The following TTN variants were observed in gnomAD, a reference collection of about 807,000 sequenced individuals.
The protein encoded by TTN is connectin.
A neutral mutation model predicts 3,223.0 loss-of-function variants in TTN; 1,525 were observed. The ratio of observed to expected loss-of-function variants is 0.47; its 90% confidence interval spans 0.45 to 0.49. TTN has a LOEUF of 0.49. Ranked by LOEUF, TTN falls within the 20% of genes least tolerant of loss-of-function variation. TTN has a pLI of 0.00. For missense variants in TTN, 40,786 were observed against 43,424.0 expected (o/e 0.94, Z 5.40); for synonymous variants, 14,094 against 15,161.0 (o/e 0.93, Z 5.17).
intron 214 of TTN, 107 bp from the exon 215 acceptor site, chr2:178,647,251 T>G (rs1045831095): frequency 2.5e-6 from 3 of 1,221,156 alleles, no homozygotes; most frequent in Non-Finnish European, 3.4e-6. Context: ...CTATAACAGA[T>G]TATTCAGATG....
chr2:178,553,601 G>T lies in TTN; in HGVS notation c.89404C>A (p.Pro29802Thr). 1 of 1,613,886 alleles carries T rather than the reference G, an allele frequency of 6.2e-7. No individual in the cohort carries two copies. Among genetic ancestry groups the T allele is most frequent in the Non-Finnish European group, 8.5e-7 (1 of 1,179,806 alleles). Reference sequence around the variant, plus strand: ...ACCCGGAAGTAGTAATTGACTCCAGGTTTCAGGTTGGATACCACATATTCT... The same window carrying T: ...ACCCGGAAGTAGTAATTGACTCCAGTTTTCAGGTTGGATACCACATATTCT... The part of the protein sequence containing the change: ...TTEYVVSNLK[P>T]GVNYYFRVSA... Residue 29802 changes from proline to threonine, a missense_variant, in exon 334 of 363, where the codon CCT becomes ACT. Transcript: ENST00000589042.
intron 159 of TTN, 135 bp downstream of exon 159, chr2:178,669,238 T>G (rs1371519283): frequency 6.0e-6 from 4 of 668,626 alleles, no homozygotes; most frequent in East Asian, 5.7e-5. Context: ...TAAGATTATT[T>G]GAGTCATATA....
intron 326 of TTN, 178 bp from the exon 327 acceptor site, chr2:178,558,815 A>T: frequency 1.6e-6 from 1 of 630,858 alleles, no homozygotes; most frequent in Non-Finnish European, 2.6e-6. Context: ...CCCACAAGCT[A>T]TGTCATTACA....
In TTN at chr2:178,537,556, A is replaced by G. The variant is rs1299414119; in HGVS notation, c.99651T>C (p.His33217=). 6.2e-7 allele frequency: 1 copy of G among 1,613,706 alleles called. No homozygotes were observed. Among genetic ancestry groups the G allele is most frequent in the Non-Finnish European group, 8.5e-7 (1 of 1,179,796 alleles). Residue 33217 remains histidine (H), a synonymous_variant, in exon 355 of 363, where the codon CAT becomes CAC. Coordinates refer to ENST00000589042, the MANE Select transcript of TTN (RefSeq NM_001267550.2). ...GTACTGGACGACCAATGTACATAACATGAAGCCGAAGTGTGGAACCCACAG... is the reference window on the plus strand; with the variant it reads ...GTACTGGACGACCAATGTACATAACGTGAAGCCGAAGTGTGGAACCCACAG... The part of the protein sequence containing the change: ...YGAVGSTLRL[H]VMYIGRPVPA...
Position 178,756,607 on chromosome 2 carries a change from T to C in TTN, c.10869A>G (p.Thr3623=), listed in dbSNP as rs778116553. The part of the protein sequence containing the change: ...FESVSQSSIH[T]AASVQDTQLC... The stretch of plus-strand genomic sequence containing the variant: ...ACTGTGTATCTTGAACAGATGCAGC[T>C]GTGTGGATGGAACTTTGAGATACAC... Residue 3623 remains threonine, a synonymous_variant, in exon 46 of 363, where the codon ACA becomes ACG. Transcript: ENST00000589042. The C allele has an allele frequency of 8.1e-6, 13 of 1,613,444 alleles. No homozygotes were observed. Among genetic ancestry groups the C allele is most frequent in the Middle Eastern group, 1.6e-4 (1 of 6,078 alleles).
chr2:178,600,013 G>A (rs1194584369), intron 288 of TTN, among the ~76,000 whole-genome samples, 163 bp from the exon 289 acceptor site: 1 of 151,974 alleles, frequency 6.6e-6, no homozygotes, highest in East Asian at 1.9e-4. Context: ...ACGCTAGTTT[G>A]GGGAGCAGGT....
Position 178,636,506 on chromosome 2 carries a change from T to C in TTN, c.41221A>G (p.Arg13741Gly). 6.2e-7 allele frequency: 1 copy of C among 1,613,508 alleles called. No individual in the cohort carries two copies. The highest frequency in any genetic ancestry group is 8.5e-7 in the Non-Finnish European group (1 of 1,179,586). ...TGAACATCAATGATGTGCAGCTTTCTGTCTTTACCATCTGCAATAAACCTG... is the reference window on the plus strand; with the variant it reads ...TGAACATCAATGATGTGCAGCTTTCCGTCTTTACCATCTGCAATAAACCTG... The part of the protein sequence containing the change: ...KHRFIADGKD[R>G]KLHIIDVQLS... Residue 13741 changes from arginine to glycine, a missense_variant, in exon 225 of 363, where the codon AGA (arginine) becomes GGA (glycine). Coordinates refer to ENST00000589042, the MANE Select transcript of TTN (RefSeq NM_001267550.2). This position sits in a 1 kb window ranked among gnomAD's most constrained non-coding sequence, Gnocchi z 4.3.
chr2:178,739,968 A>C lies in TTN; in HGVS notation c.13265T>G (p.Ile4422Ser), dbSNP rs727503656. 84 of 1,613,688 alleles carry C rather than the reference A, an allele frequency of 5.2e-5. 2 individuals are homozygous for C. The South Asian group carries it at 8.5e-4, about 16-fold the overall frequency. The change falls in exon 48 of 363, where the codon ATT becomes AGT. Residue 4422 changes from isoleucine to serine, a missense_variant. Physicochemically the swap from Ile to Ser is moderately radical, Grantham distance 142 (BLOSUM62 -2). Coordinates refer to ENST00000589042, the MANE Select transcript of TTN (RefSeq NM_001267550.2). ...PGLFSEWLRN[I>S]EKVEVEAVNI... The stretch of plus-strand genomic sequence containing the variant: ...TACAGCCTCGACCTCCACCTTTTCA[A>C]TATTTCTTAGCCACTCAGAGAAAAG...
chr2:178,804,107 T>C (rs2094197905), intron 2 of TTN, among the ~76,000 whole-genome samples: 1 of 152,226 alleles, frequency 6.6e-6, no homozygotes, highest in African/African-American at 2.4e-5. Flanking sequence ...GAAAATTAGA[T>C]GCACTGTTAT....
Position 178,527,574 on chromosome 2 carries a change from A to T in TTN, c.107552T>A (p.Met35851Lys). Residue 35851 changes from methionine (M) to lysine (K), a missense_variant, in exon 362 of 363, where the codon ATG becomes AAG. By Grantham distance (95) the Met-to-Lys change is moderately conservative. Coordinates refer to ENST00000589042, the MANE Select transcript of TTN (RefSeq NM_001267550.2). ...SSMTEMKFAS[M>K]SAQSMSSMQE... ...CATGGAGGACATGCTTTGGGCAGAC[A>T]TGCTTGCAAATTTCATCTCAGTCAT... The T allele has an allele frequency of 6.2e-7, 1 of 1,614,058 alleles. No homozygotes were observed. Among genetic ancestry groups the T allele is most frequent in the Non-Finnish European group, 8.5e-7 (1 of 1,179,888 alleles).
chr2:178,692,011 C>T lies in TTN; in HGVS notation c.31762+5G>A, dbSNP rs145387989. On this transcript the variant is annotated splice_donor_5th_base_variant and intron_variant, in intron 121 of 362. Transcript: ENST00000589042. ...AGAGTCTCCCCATCATTGGCTCTGG[C>T]GTACCTTTTGGGGGAGCAGCAGGTT... 736 of 1,609,206 alleles carry T rather than the reference C, an allele frequency of 4.6e-4. 13 individuals carry two copies. The East Asian group carries it at 0.014, about 31-fold the overall frequency.
chr2:178,637,318 G>T, intron 224 of TTN, 51 bp downstream of exon 224: 1 of 1,343,898 alleles, frequency 7.4e-7, no homozygotes, highest in Non-Finnish European at 9.8e-7. Flanking sequence ...ATGAACTTTG[G>T]AAATTCAGAG....
rs769739080 is a variant in TTN, at chr2:178,582,371, G to A, written c.66085C>T (p.Arg22029Cys). Residue 22029 changes from arginine to cysteine, a missense_variant, in exon 314 of 363, where the codon CGT becomes TGT. By Grantham distance (180) the Arg-to-Cys change is radical. Coordinates refer to ENST00000589042, the MANE Select transcript of TTN (RefSeq NM_001267550.2). ...KLIEGHEYQF[R>C]ICAENKYGVG... ...CCATATTTATTTTCAGCACAAATAC[G>A]GAACTGATACTCATGGCCCTCTATA... 8.1e-6 allele frequency: 13 copies of A among 1,612,074 alleles called. No homozygotes were observed. The highest frequency in any genetic ancestry group is 1.6e-4 in the Middle Eastern group (1 of 6,066).
rs199772748 is a variant in TTN, at chr2:178,680,242, G to T, written c.33418+12C>A. On this transcript the variant is annotated intron_variant, in intron 139 of 362. Coordinates refer to ENST00000589042, the MANE Select transcript of TTN (RefSeq NM_001267550.2). ...AGACGAACAAAACATTAAAATGAGT[G>T]CCATTAGGTACCTCTAACAGGTGGT... The T allele has an allele frequency of 1.3e-4, 210 of 1,610,406 alleles. No homozygotes were observed. Among genetic ancestry groups the T allele is most frequent in the Non-Finnish European group, 1.6e-5 (19 of 1,178,366 alleles).
At chr2:178,558,754 T>G (rs761492845) in intron 326 of TTN, 117 bp from the exon 327 acceptor site, 25 of 1,172,446 alleles carry the variant, frequency 2.1e-5, no homozygotes, top group Non-Finnish European at 2.2e-5. Context: ...TTATGTTGAT[T>G]TTAGTCTTCC....
rs746239963 is a variant in TTN, at chr2:178,531,730, A to T, written c.104885T>A (p.Ile34962Asn). Residue 34962 changes from isoleucine to asparagine, a missense_variant, in exon 358 of 363, where the codon ATT (isoleucine) becomes AAT (asparagine). Physicochemically the swap from Ile to Asn is moderately radical, Grantham distance 149. Transcript: ENST00000589042. ...RVPCGQNTRF[I>N]LNVQSKPTAE... ...AGTTGGCTTAGACTGAACATTTAAAATAAAACGTGTATTTTGGCCACATGG... is the reference window on the plus strand; with the variant it reads ...AGTTGGCTTAGACTGAACATTTAAATTAAAACGTGTATTTTGGCCACATGG... 3 of 1,614,034 alleles carry T rather than the reference A, an allele frequency of 1.9e-6. No individual in the cohort carries two copies. The highest frequency in any genetic ancestry group is 2.5e-6 in the Non-Finnish European group (3 of 1,179,884).
rs2093696720 is a variant in TTN, at chr2:178,795,106, G to A, written c.1061C>T (p.Ser354Leu). The change falls in exon 7 of 363, where the codon TCA (serine) becomes TTA (leucine). Residue 354 changes from serine (S) to leucine (L), a missense_variant. By Grantham distance (145) the Ser-to-Leu change is moderately radical. Transcript: ENST00000589042. ...PWKQEGYVAS[S>L]SEAEMRETTL... is the part of the protein sequence containing the mutation. ...TGTCTCTCTCATCTCAGCCTCAGAT[G>A]AGGAGGCCACGTAGCCCTCTTGCTT... 4 of 1,614,120 alleles carry A rather than the reference G, an allele frequency of 2.5e-6. No homozygotes were observed. Among genetic ancestry groups the A allele is most frequent in the Middle Eastern group, 1.6e-4 (1 of 6,062 alleles).
chr2:178,573,084 C>T lies in TTN; in HGVS notation c.73048G>A (p.Asp24350Asn). 7.4e-6 allele frequency: 12 copies of T among 1,613,280 alleles called. No individual in the cohort carries two copies. The highest frequency in any genetic ancestry group is 1.0e-5 in the Non-Finnish European group (12 of 1,179,544). ...ISIAWNKPIY[D>N]GGSEITGYMV... ...TACCCAGTGATTTCTGAACCACCATCATAGATAGGTTTATTCCAAGCGATT... is the reference window on the plus strand; with the variant it reads ...TACCCAGTGATTTCTGAACCACCATTATAGATAGGTTTATTCCAAGCGATT... Residue 24350 changes from aspartate (D) to asparagine (N), a missense_variant, in exon 326 of 363, where the codon GAT becomes AAT. Transcript: ENST00000589042.
At chr2:178,773,081 A>T (rs768583683) in intron 33 of TTN, 28 bp downstream of exon 33, 5 of 1,613,352 alleles carry the variant, frequency 3.1e-6, no homozygotes, top group Non-Finnish European at 4.2e-6. Flanking sequence ...CACTCCTCGT[A>T]AGAATTTAGG....
Sources: allele counts gnomAD v4.1 joint callset (sites outside exome capture counted in the v4.1 genomes callset), GRCh38; gene constraint gnomAD v4.1.1; non-coding constraint Gnocchi (gnomAD v3.1); transcripts MANE v1.5; gene names NCBI Gene and HGNC (gene_info 2026-07-23, HGNC 2026-07-21).